The following STRN variants were observed in gnomAD, a reference collection of about 807,000 sequenced individuals.
STRN encodes protein phosphatase 2 regulatory subunit B'''alpha.
A neutral mutation model predicts 96.3 loss-of-function variants in STRN; 53 were observed. The ratio of observed to expected loss-of-function variants is 0.55; its 90% CI spans 0.44 to 0.69. STRN has a LOEUF of 0.69. Among genes scored for constraint, STRN ranks in the 30% least tolerant of loss-of-function variants. STRN has a pLI of 0.00. For synonymous variants in STRN, 428 were observed against 355.9 expected, an observed-to-expected ratio of 1.20 and a Z score of -2.28; for missense variants, 987 against 963.9, an observed-to-expected ratio of 1.02 and a Z score of -0.32.
At chr2:36,934,185 A>G (rs932493948) in intron 1 of STRN, among the ~76,000 whole-genome samples, 1 of 152,208 alleles carries the variant, frequency 6.6e-6, no homozygotes, top group African/African-American at 2.4e-5. Flanking sequence ...AAATGTAAGG[A>G]CTAAGAAAAT....
chr2:36,871,475 C>G (rs2717515), intron 10 of STRN, among the ~76,000 whole-genome samples: 144,482 of 152,292 alleles, frequency 0.95, 69,008 homozygotes, highest in East Asian at 1. Context: ...ATTTAGGCTT[C>G]TAACTACACT....
In STRN at chr2:36,842,925, TG is replaced by T. The variant is rs1467477828; in HGVS notation, c.*6530del. On this transcript the variant is annotated 3_prime_UTR_variant, in exon 18 of 18. Coordinates refer to ENST00000263918, the MANE Select transcript of STRN (RefSeq NM_003162.4). ...GGTATGCTTGACTCCCAAGGTGTTC[TG>T]GGAATATTTTATGTGCCAGGACAAT... Among the ~76,000 whole-genome samples, 2 of 152,136 alleles carry T rather than the reference TG, an allele frequency of 1.3e-5. No homozygotes were observed. Among genetic ancestry groups the T allele is most frequent in the Admixed American group, 1.3e-4 (2 of 15,252 alleles).
chr2:36,873,424 C>A (rs1428667836), intron 10 of STRN, among the ~76,000 whole-genome samples: 1 of 152,084 alleles, frequency 6.6e-6, no homozygotes, highest in African/African-American at 2.4e-5. Context: ...GCTGGGTGTA[C>A]TGGTGAACAT....
chr2:36,949,747 G>C (rs370930617), intron 1 of STRN, among the ~76,000 whole-genome samples: 2 of 152,128 alleles, frequency 1.3e-5, no homozygotes, highest in Admixed American at 6.6e-5. Flanking sequence ...TTTGGGAAAA[G>C]GATTTTAGAA....
Position 36,916,152 on chromosome 2 carries a change from C to T in STRN, c.339-1G>A, listed in dbSNP as rs1670091957. On this transcript the variant is annotated splice_acceptor_variant, in intron 2 of 17. Coordinates refer to ENST00000263918, the MANE Select transcript of STRN (RefSeq NM_003162.4). LOFTEE classifies it high-confidence loss of function. ...GTATTTCAACTTGTGGTATTTGGCT[C>T]TAACAAAGAAATGAGAAAATACAGA... The T allele has an allele frequency of 6.2e-7, 1 of 1,611,934 alleles. No homozygotes were observed. The highest frequency in any genetic ancestry group is 8.5e-7 in the Non-Finnish European group (1 of 1,178,676).
rs533609502 is a variant in STRN at position 36,849,344 on chromosome 2, C to G, written c.*112G>C. The G allele has an allele frequency of 3.4e-5, 42 of 1,240,470 alleles. No homozygotes were observed. In the South Asian group the frequency reaches 5.4e-4, roughly 16 times the overall value. The allele number at this position is 1,240,470 out of a possible 1,614,324, so 76.8% of individuals were successfully genotyped here. A position where few individuals can be genotyped will look rare whatever the true frequency, so the allele number is the denominator to read the frequency against. On this transcript the variant is annotated 3_prime_UTR_variant, in exon 18 of 18. Coordinates refer to ENST00000263918, the MANE Select transcript of STRN (RefSeq NM_003162.4). Reference sequence around the variant, plus strand: ...TACTTCAACAAATGTTCTCTGTGCTCCTTCAGCAGAACAAAAGGGCAGGAC... The same window carrying G: ...TACTTCAACAAATGTTCTCTGTGCTGCTTCAGCAGAACAAAAGGGCAGGAC...
At chr2:36,959,372 T>C (rs553861068) in intron 1 of STRN, among the ~76,000 whole-genome samples, 1 of 152,330 alleles carries the variant, frequency 6.6e-6, no homozygotes, top group East Asian at 1.9e-4. Flanking sequence ...GTGCTGGCTG[T>C]AGCAGTACAT....
chr2:36,931,775 C>A (rs1670579693), intron 1 of STRN, among the ~76,000 whole-genome samples: 1 of 152,196 alleles, frequency 6.6e-6, no homozygotes, highest in East Asian at 1.9e-4. Flanking sequence ...ACTCTGGAGT[C>A]AAGTAGAGAA....
intron 1 of STRN, among the ~76,000 whole-genome samples, chr2:36,954,420 G>GAGA (rs912627594): frequency 6.6e-6 from 1 of 151,284 alleles, no homozygotes; most frequent in Non-Finnish European, 1.5e-5. Flanking sequence ...GCTGAGGCAG[G>GAGA]AGAATTGTTT....
chr2:36,955,027 C>A (rs1023070788), intron 1 of STRN, among the ~76,000 whole-genome samples: 1 of 152,172 alleles, frequency 6.6e-6, no homozygotes, highest in Non-Finnish European at 1.5e-5. Flanking sequence ...CTAAATTATT[C>A]TACTCGAAGA....
intron 1 of STRN, among the ~76,000 whole-genome samples, chr2:36,939,166 C>G (rs560807503): frequency 6.6e-6 from 1 of 152,020 alleles, no homozygotes; most frequent in East Asian, 1.9e-4. Context: ...CTCCTGACCT[C>G]GTGATCCGCC....
intron 12 of STRN, among the ~76,000 whole-genome samples, chr2:36,861,667 T>C (rs936616863): frequency 4.6e-5 from 7 of 151,334 alleles, no homozygotes; most frequent in African/African-American, 1.7e-4. Flanking sequence ...CTGTGCTAAA[T>C]CAAGAGAAAA....
intron 12 of STRN, among the ~76,000 whole-genome samples, chr2:36,866,588 A>G (rs769056580): frequency 9.2e-5 from 14 of 152,140 alleles, no homozygotes; most frequent in Non-Finnish European, 2.1e-4. Flanking sequence ...GGTCCCGAAT[A>G]TTTTAGTTTT....
rs1186391294 is a variant in STRN at position 36,846,894 on chromosome 2, C to G, written c.*2562G>C. The G allele has an allele frequency of 1.3e-5, 2 of 152,124 alleles. No individual in the cohort carries two copies. The highest frequency in any genetic ancestry group is 4.8e-5 in the African/African-American group (2 of 41,432). The allele number at this position is 152,124 out of a possible 1,614,324, so 9.4% of individuals were successfully genotyped here. On this transcript the variant is annotated 3_prime_UTR_variant, in exon 18 of 18. Coordinates refer to ENST00000263918, the MANE Select transcript of STRN (RefSeq NM_003162.4). ...TCCAAACCTCCCGCTAATTTTCATACTATTCCAATACATTTCAAACAAAAT... is the reference window on the plus strand; with the variant it reads ...TCCAAACCTCCCGCTAATTTTCATAGTATTCCAATACATTTCAAACAAAAT...
Position 36,886,803 on chromosome 2 carries a change from G to C in STRN, c.955C>G (p.Pro319Ala). The C allele has an allele frequency of 6.2e-7, 1 of 1,612,798 alleles. No homozygotes were observed. The highest frequency in any genetic ancestry group is 8.5e-7 in the Non-Finnish European group (1 of 1,179,404). Residue 319 changes from proline (P) to alanine (A), a missense_variant, in exon 8 of 18, where the codon CCT becomes GCT. Pro to Ala is a conservative substitution (Grantham distance 27). Transcript: ENST00000263918. ...CCCTGGTCCACATTCCAGGCTTCAG[G>C]CATGAGACACTGGTCTTCCTTTTCT... The part of the protein sequence containing the change: ...DWEKEDQCLM[P>A]EAWNVDQGVI...
At chr2:36,880,883 C>A (rs1003925517) in intron 9 of STRN, among the ~76,000 whole-genome samples, 1 of 152,072 alleles carries the variant, frequency 6.6e-6, no homozygotes, top group African/African-American at 2.4e-5. Context: ...AACCTGAAAA[C>A]AAAGGAGGTA....
intron 1 of STRN, among the ~76,000 whole-genome samples, chr2:36,946,055 T>C (rs1670973933): frequency 6.6e-6 from 1 of 151,868 alleles, no homozygotes; most frequent in African/African-American, 2.4e-5. Context: ...GTATAAATAC[T>C]GGAAAATACT....
In STRN at chr2:36,840,557, G is replaced by A. The variant is rs1312509446; in HGVS notation, c.*8899C>T. The A allele has an allele frequency of 3.2e-4, 33 of 104,664 alleles. No homozygotes were observed. The highest frequency in any genetic ancestry group is 5.8e-4 in the Non-Finnish European group (29 of 50,382). 6.5% of individuals were successfully genotyped at this position (104,664 alleles called of 1,614,324 possible). A position where few individuals can be genotyped will look rare whatever the true frequency, so the allele number is the denominator to read the frequency against. On this transcript the variant is annotated 3_prime_UTR_variant, in exon 18 of 18. Transcript: ENST00000263918. ...CAAGAGATTTTTTTTTTTTTTTTTT[G>A]GTCTTTGATGATTTGTATAATTTAG...
At chr2:36,938,538 C>T (rs1670763949) in intron 1 of STRN, among the ~76,000 whole-genome samples, 1 of 152,134 alleles carries the variant, frequency 6.6e-6, no homozygotes. Flanking sequence ...AGCTTTGTCA[C>T]TTACTGGGTA....
Sources: allele counts gnomAD v4.1 joint callset (sites outside exome capture counted in the v4.1 genomes callset), GRCh38; gene constraint gnomAD v4.1.1; transcripts MANE v1.5; gene names NCBI Gene and HGNC (gene_info 2026-07-23, HGNC 2026-07-21).